Variants in BEND5 observed in about 807,000 individuals in gnomAD.
The protein encoded by BEND5 is BEN domain-containing protein 5.
A neutral mutation model predicts 43.9 loss-of-function variants in BEND5; 22 were observed. That is an observed-to-expected ratio of 0.50 (90% CI 0.36 to 0.72). BEND5 has a LOEUF of 0.72. Among genes scored for constraint, BEND5 ranks in the 30% least tolerant of loss-of-function variants. BEND5 has a pLI of 0.00. For synonymous variants in BEND5, 228 were observed against 225.9 expected (o/e 1.01, Z -0.08); for missense variants, 428 against 550.6 (o/e 0.78, Z 2.23).
chr1:48,727,984 GTC>G lies in BEND5; in HGVS notation c.1166_1167del (p.Arg389ThrfsTer10). ...ETVDETEIAQ[R>X]LSKVNKYICE... ...CAGATGTACTTGTTGACTTTGGAGA[GTC>G]TCTGTGCAATTTCAGTTTCATCCAC... On this transcript the variant is annotated frameshift_variant, in exon 6 of 6. Transcript: ENST00000371833. LOFTEE classifies it high-confidence loss of function. 1 of 1,611,998 alleles carries G rather than the reference GTC, an allele frequency of 6.2e-7. No homozygotes were observed. Among genetic ancestry groups the G allele is most frequent in the Non-Finnish European group, 8.5e-7 (1 of 1,178,566 alleles).
rs1033223482 is a variant in BEND5 at position 48,736,728 on chromosome 1, A to G, written c.895-276T>C. On this transcript the variant is annotated intron_variant, in intron 4 of 5. Transcript: ENST00000371833. The surrounding 1 kb of genome is among the most constrained non-coding windows in gnomAD (Gnocchi z 4.0). ...CACCATTTTCCTTTCAGATGGAAACACCGGTTCAGACAGGTGAGGTGACTT... is the reference window on the plus strand; with the variant it reads ...CACCATTTTCCTTTCAGATGGAAACGCCGGTTCAGACAGGTGAGGTGACTT... 3.9e-5 allele frequency among the ~76,000 whole-genome samples: 6 copies of G among 152,292 alleles called. No homozygotes were observed. Among genetic ancestry groups the G allele is most frequent in the Admixed American group, 2.6e-4 (4 of 15,294 alleles).
rs994426276 is a variant in BEND5 at position 48,758,446 on chromosome 1, C to T, written c.745+454G>A. On this transcript the variant is annotated intron_variant, in intron 3 of 5. Coordinates refer to ENST00000371833, the MANE Select transcript of BEND5 (RefSeq NM_024603.4). ...TCTCCATGCCCTCAGTTACAAATAA[C>T]CTCTCCAACCCCTGAATTCTCATAT... 9.2e-5 allele frequency among the ~76,000 whole-genome samples: 14 copies of T among 152,312 alleles called. No individual in the cohort carries two copies. The East Asian group carries it at 2.1e-3, about 23-fold the overall frequency.
At chr1:48,763,385 T>C (rs181510049) in intron 1 of BEND5, among the ~76,000 whole-genome samples, 118 of 152,302 alleles carry the variant, frequency 7.7e-4, no homozygotes, top group Non-Finnish European at 1.4e-3. Context: ...CTACAAATCA[T>C]TGCTGACTTC....
intron 3 of BEND5, among the ~76,000 whole-genome samples, chr1:48,758,131 A>G (rs1644043910): frequency 1.3e-5 from 2 of 152,222 alleles, no homozygotes. Flanking sequence ...GAACCTATTA[A>G]GTTCTATGAG....
At chr1:48,766,078 C>T (rs961901128) in intron 1 of BEND5, among the ~76,000 whole-genome samples, 1 of 152,136 alleles carries the variant, frequency 6.6e-6, no homozygotes, top group African/African-American at 2.4e-5. Context: ...GTAAAATTCA[C>T]ATTGAATGAA....
At chr1:48,742,492 A>G (rs1650069392) in intron 4 of BEND5, 131 bp downstream of exon 4, 1 of 924,288 alleles carries the variant, frequency 1.1e-6, no homozygotes, top group Non-Finnish European at 1.5e-6. Context: ...AAATTCCAGA[A>G]ACAGTCATTC....
chr1:48,755,828 C>T (rs1156265515), intron 3 of BEND5, among the ~76,000 whole-genome samples: 5 of 152,206 alleles, frequency 3.3e-5, no homozygotes, highest in Non-Finnish European at 5.9e-5. Flanking sequence ...CTTTGTATCT[C>T]CCTAAGTTCC....
chr1:48,747,730 C>T (rs12024474), intron 3 of BEND5, among the ~76,000 whole-genome samples: 96,730 of 152,000 alleles, frequency 0.64, 32,495 homozygotes, highest in Non-Finnish European at 0.77. Context: ...CATGAAATTA[C>T]ACCATTTTCT....
intron 3 of BEND5, 97 bp downstream of exon 3, chr1:48,758,803 G>T: frequency 1.8e-6 from 2 of 1,120,892 alleles, no homozygotes; most frequent in Admixed American, 2.6e-5. Flanking sequence ...TAGCCTCAGG[G>T]CACTTGGTCT....
chr1:48,754,747 C>CA (rs1238956791), intron 3 of BEND5, among the ~76,000 whole-genome samples: 2 of 152,090 alleles, frequency 1.3e-5, no homozygotes, highest in Non-Finnish European at 2.9e-5. Context: ...AGATCACAGA[C>CA]AAGGAAAGTT....
In BEND5 at chr1:48,749,848, A is replaced by G. The variant is rs191315767; in HGVS notation, c.746-7077T>C. The stretch of plus-strand genomic sequence containing the variant: ...AGGGTATGTGCAGAACGCCCTGTCA[A>G]GGAAGCATTGAAGGCCCACACATGT... On this transcript the variant is annotated intron_variant, in intron 3 of 5. Transcript: ENST00000371833. 3.8e-3 allele frequency among the ~76,000 whole-genome samples: 572 copies of G among 152,312 alleles called. 3 individuals are homozygous for G. The highest frequency in any genetic ancestry group is 0.013 in the African/African-American group (541 of 41,570).
In BEND5 at chr1:48,761,320, A is replaced by C; in HGVS notation, c.360+17T>G. ...AATGCTCCAGCATACCTCCAAAGAAAGGAAAGATTTTGTTACCTTGATGTG... is the reference window on the plus strand; with the variant it reads ...AATGCTCCAGCATACCTCCAAAGAACGGAAAGATTTTGTTACCTTGATGTG... On this transcript the variant is annotated intron_variant, in intron 2 of 5. Transcript: ENST00000371833. The C allele has an allele frequency of 6.5e-7, 1 of 1,540,738 alleles. No individual in the cohort carries two copies. The highest frequency in any genetic ancestry group is 8.8e-7 in the Non-Finnish European group (1 of 1,142,338).
At chr1:48,772,760 A>C (rs181457350) in intron 1 of BEND5, among the ~76,000 whole-genome samples, 1 of 152,228 alleles carries the variant, frequency 6.6e-6, no homozygotes. Context: ...GACTGCTTCA[A>C]TAGTTTAGAT....
chr1:48,733,629 T>C (rs993281478), intron 5 of BEND5, among the ~76,000 whole-genome samples: 5 of 152,204 alleles, frequency 3.3e-5, no homozygotes, highest in East Asian at 1.9e-4. Context: ...CCAAGCCACA[T>C]GCATGGCTGA....
chr1:48,774,024 A>G (rs1232481745), intron 1 of BEND5, among the ~76,000 whole-genome samples: 2 of 152,264 alleles, frequency 1.3e-5, no homozygotes, highest in African/African-American at 4.8e-5. Flanking sequence ...GAGTATAAAA[A>G]GAAGTATACT....
chr1:48,747,548 C>T (rs1650967406), intron 3 of BEND5, among the ~76,000 whole-genome samples: 1 of 152,174 alleles, frequency 6.6e-6, no homozygotes, highest in Admixed American at 6.5e-5. Context: ...ATATAGCATA[C>T]AAATAACTCT....
In BEND5 at chr1:48,736,085, G is replaced by A. The variant is rs1648994935; in HGVS notation, c.1108+154C>T. Among the ~76,000 whole-genome samples the A allele has an allele frequency of 6.6e-6, 1 of 152,190 alleles. No individual in the cohort carries two copies. The highest frequency in any genetic ancestry group is 2.1e-4 in the South Asian group (1 of 4,832). The stretch of plus-strand genomic sequence containing the variant: ...CCTGGTAAATGTGAGCTCTTCTGGG[G>A]CATTTGGGTTATCCGCTTGGTGTCC... On this transcript the variant is annotated intron_variant, in intron 5 of 5. Coordinates refer to ENST00000371833, the MANE Select transcript of BEND5 (RefSeq NM_024603.4). The surrounding 1 kb of genome is among the most constrained non-coding windows in gnomAD (Gnocchi z 4.0).
At position 48,727,597 on chromosome 1, in the gene BEND5, T is replaced by C. The variant is rs1218748905; in HGVS notation, c.*289A>G. ...AGTCCTTGGATAGTAAAAATATCCA[T>C]TCAAACCCCAGTCAAGTGACAGGCA... On this transcript the variant is annotated 3_prime_UTR_variant, in exon 6 of 6. Transcript: ENST00000371833. 4.4e-6 allele frequency: 1 copy of C among 228,882 alleles called. No homozygotes were observed. The highest frequency in any genetic ancestry group is 8.5e-6 in the Non-Finnish European group (1 of 117,878). 14.2% of individuals were successfully genotyped at this position (228,882 alleles called of 1,614,324 possible).
intron 4 of BEND5, among the ~76,000 whole-genome samples, chr1:48,739,553 A>T (rs377501711): frequency 6.6e-6 from 1 of 152,150 alleles, no homozygotes; most frequent in African/African-American, 2.4e-5. Context: ...TGGGTGCTGG[A>T]GCTGCCAGCC....
Sources: gnomAD v4.1 joint callset for allele counts (sites outside exome capture counted in the v4.1 genomes callset) on GRCh38, gnomAD v4.1.1 for gene constraint, Gnocchi (gnomAD v3.1) non-coding constraint, MANE v1.5 for transcripts, NCBI Gene and HGNC (gene_info 2026-07-23, HGNC 2026-07-21) for gene names.